The following ASAP2 variants were observed in gnomAD, a reference collection of about 807,000 sequenced individuals.
ASAP2 encodes the protein ArfGAP with SH3 domain, ankyrin repeat and PH domain 2.
A neutral mutation model predicts 131.4 loss-of-function variants in ASAP2; 45 were observed. The ratio of observed to expected loss-of-function variants is 0.34; its 90% CI spans 0.27 to 0.44. The LOEUF (loss-of-function observed/expected upper bound fraction) is 0.44, where lower values mean the gene tolerates loss of function less well. Ranked by LOEUF, ASAP2 falls within the 20% of genes least tolerant of loss-of-function variation. The pLI is 1.00. For synonymous variants in ASAP2, 510 were observed against 503.0 expected (o/e 1.01, Z -0.19); for missense variants, 1,011 against 1,297.0 (o/e 0.78, Z 3.39).
chr2:9,253,237 C>T (rs1664850143), intron 1 of ASAP2, among the ~76,000 whole-genome samples: 1 of 152,060 alleles, frequency 6.6e-6, no homozygotes, highest in Admixed American at 6.6e-5. Context: ...GATATTGGCT[C>T]ACTGCAACCT....
At chr2:9,379,128 A>G in intron 19 of ASAP2, 69 bp downstream of exon 19, 5 of 1,172,460 alleles carry the variant, frequency 4.3e-6, no homozygotes, top group Non-Finnish European at 5.7e-6. Flanking sequence ...CTGCCATCCA[A>G]GCGCTGCTCT....
chr2:9,300,939 C>A (rs2148409709), intron 3 of ASAP2, among the ~76,000 whole-genome samples: 1 of 152,326 alleles, frequency 6.6e-6, no homozygotes, highest in Middle Eastern at 3.4e-3. Flanking sequence ...CCAAAATTAG[C>A]ACTCACCATG....
chr2:9,380,927 G>A (rs948600432), intron 20 of ASAP2, 119 bp downstream of exon 20: 1 of 1,109,954 alleles, frequency 9.0e-7, no homozygotes, highest in East Asian at 2.4e-5. Flanking sequence ...CAGTGTTTCT[G>A]ATGGGATGAG....
intron 7 of ASAP2, among the ~76,000 whole-genome samples, chr2:9,331,977 G>A (rs1409181428): frequency 3.3e-5 from 5 of 152,102 alleles, no homozygotes; most frequent in African/African-American, 9.7e-5. Flanking sequence ...AGCAGACACC[G>A]CATTGGAATG....
At chr2:9,307,868 A>C (rs1669047298) in intron 3 of ASAP2, among the ~76,000 whole-genome samples, 1 of 152,212 alleles carries the variant, frequency 6.6e-6, no homozygotes, top group African/African-American at 2.4e-5. Context: ...CTGTGCTGCC[A>C]GGGACGGGCT....
intron 24 of ASAP2, among the ~76,000 whole-genome samples, chr2:9,397,343 G>A (rs1302487532): frequency 6.6e-6 from 1 of 152,144 alleles, no homozygotes; most frequent in Non-Finnish European, 1.5e-5. Context: ...TAGCTGGCGG[G>A]AGCTGGACAG....
At chr2:9,260,806 C>T (rs962402256) in intron 1 of ASAP2, among the ~76,000 whole-genome samples, 1 of 152,086 alleles carries the variant, frequency 6.6e-6, no homozygotes, top group African/African-American at 2.4e-5. Flanking sequence ...TTAATTTTCC[C>T]TCTGAAAAGC....
At chr2:9,279,977 G>A (rs1453895744) in intron 2 of ASAP2, among the ~76,000 whole-genome samples, 1 of 151,950 alleles carries the variant, frequency 6.6e-6, no homozygotes, top group East Asian at 1.9e-4. Flanking sequence ...AATCCTACGA[G>A]TGATACAAAA....
At chr2:9,329,221 A>G (rs191903451) in intron 7 of ASAP2, among the ~76,000 whole-genome samples, 2 of 152,342 alleles carry the variant, frequency 1.3e-5, no homozygotes, top group Non-Finnish European at 2.9e-5. Flanking sequence ...GCGTGAAACG[A>G]AACTGCATGG....
chr2:9,307,922 G>A lies in ASAP2; in HGVS notation c.345+10477G>A, dbSNP rs551949183. Among the ~76,000 whole-genome samples, 9 of 152,272 alleles carry A rather than the reference G, an allele frequency of 5.9e-5. No individual in the cohort carries two copies. In the East Asian group the frequency reaches 1.5e-3, roughly 26 times the overall value. On this transcript the variant is annotated intron_variant, in intron 3 of 27. Coordinates refer to ENST00000281419, the MANE Select transcript of ASAP2 (RefSeq NM_003887.3). Reference sequence around the variant, plus strand: ...GGGCCCTGTGTGAGAGTGCATAGACGGGAGTGTGTGCATACGTGTGCTTGT... The same window carrying A: ...GGGCCCTGTGTGAGAGTGCATAGACAGGAGTGTGTGCATACGTGTGCTTGT...
intron 17 of ASAP2, 47 bp from the exon 18 acceptor site, chr2:9,376,861 T>C: frequency 1.9e-6 from 3 of 1,543,180 alleles, no homozygotes; most frequent in Non-Finnish European, 2.7e-6. Context: ...GACACAGAAT[T>C]GAATGCTCCC....
chr2:9,280,916 C>G (rs991688861), intron 2 of ASAP2, among the ~76,000 whole-genome samples: 7 of 152,186 alleles, frequency 4.6e-5, no homozygotes, highest in Admixed American at 3.3e-4. Context: ...TCAGAGAGTT[C>G]TGGGTGTTCC....
intron 1 of ASAP2, among the ~76,000 whole-genome samples, chr2:9,252,225 A>G (rs1664759051): frequency 6.6e-6 from 1 of 152,208 alleles, no homozygotes; most frequent in South Asian, 2.1e-4. Context: ...TTGAAGGTCA[A>G]AGAGCAGATG....
intron 1 of ASAP2, among the ~76,000 whole-genome samples, chr2:9,242,877 C>G (rs1474963411): frequency 6.6e-6 from 1 of 152,136 alleles, no homozygotes; most frequent in African/African-American, 2.4e-5. Flanking sequence ...GGGTGTAAGA[C>G]ATTGGTGCAC....
chr2:9,323,324 C>G lies in ASAP2; in HGVS notation c.600+74C>G, dbSNP rs1670271852. ...TGCCCTCACCTGTGGGAGCATCTCA[C>G]CGGTACCAGCGGCTTCAGAGAAAAC... is the stretch of plus-strand genomic sequence containing the variant. On this transcript the variant is annotated intron_variant, in intron 6 of 27. Transcript: ENST00000281419. 4 of 1,575,968 alleles carry G rather than the reference C, an allele frequency of 2.5e-6. No homozygotes were observed. In the Admixed American group the frequency reaches 5.6e-5, roughly 22 times the overall value.
chr2:9,214,532 GC>G (rs1661857263), intron 1 of ASAP2, among the ~76,000 whole-genome samples: 3 of 151,812 alleles, frequency 2.0e-5, no homozygotes, highest in Non-Finnish European at 4.4e-5. Context: ...GAGCCGCTGC[GC>G]CCGGCTGCCT....
intron 3 of ASAP2, among the ~76,000 whole-genome samples, chr2:9,308,451 G>C (rs563091495): frequency 6.6e-6 from 1 of 152,316 alleles, no homozygotes; most frequent in African/African-American, 2.4e-5. Context: ...ACTGCAATTG[G>C]ACATGAGGTT....
intron 2 of ASAP2, among the ~76,000 whole-genome samples, chr2:9,296,959 G>A (rs1350265788): frequency 1.3e-5 from 2 of 152,212 alleles, no homozygotes; most frequent in African/African-American, 2.4e-5. Flanking sequence ...TTCTGGGAGG[G>A]GGCTGAGTCT....
At chr2:9,367,086 A>G (rs1673537863) in intron 15 of ASAP2, among the ~76,000 whole-genome samples, 1 of 143,008 alleles carries the variant, frequency 7.0e-6, no homozygotes, top group African/African-American at 2.7e-5. Flanking sequence ...GCTGGAGTCC[A>G]GTGGTGTGAT....
Sources: allele counts gnomAD v4.1 joint callset (sites outside exome capture counted in the v4.1 genomes callset), GRCh38; gene constraint gnomAD v4.1.1; transcripts MANE v1.5; gene names NCBI Gene and HGNC (gene_info 2026-07-23, HGNC 2026-07-21).